Variants in PTPRN2 observed in about 807,000 individuals in gnomAD.
PTPRN2 encodes receptor-type tyrosine-protein phosphatase N2.
Under a neutral mutation model 118.8 loss-of-function variants are expected in PTPRN2, and 74 were observed. That is an observed-to-expected ratio of 0.62 (90% CI 0.52 to 0.76). The LOEUF (loss-of-function observed/expected upper bound fraction) is 0.76, where lower values mean the gene tolerates loss of function less well. Among genes scored for constraint, PTPRN2 ranks in the 30% least tolerant of loss-of-function variants. The probability of loss-of-function intolerance (pLI) is 0.00; values close to 1 mark genes in which losing one functional copy is unlikely to be tolerated. For synonymous variants in PTPRN2, 641 were observed against 608.0 expected, an observed-to-expected ratio of 1.05 and a Z score of -0.80; for missense variants, 1,481 against 1,394.4, an observed-to-expected ratio of 1.06 and a Z score of -0.99.
intron 9 of PTPRN2, among the ~76,000 whole-genome samples, chr7:158,120,754 C>T (rs1324538906): frequency 6.6e-6 from 1 of 152,204 alleles, no homozygotes; most frequent in Non-Finnish European, 1.5e-5. Context: ...AAACATCCTC[C>T]AGGGCCATCT....
intron 11 of PTPRN2, among the ~76,000 whole-genome samples, chr7:158,006,362 T>C (rs925204104): frequency 6.6e-6 from 1 of 152,220 alleles, no homozygotes; most frequent in African/African-American, 2.4e-5. Context: ...GTGGTACAGT[T>C]CAGTGCCAGC....
At chr7:158,042,968 G>A (rs1351626065) in intron 11 of PTPRN2, among the ~76,000 whole-genome samples, 1 of 152,182 alleles carries the variant, frequency 6.6e-6, no homozygotes, top group Non-Finnish European at 1.5e-5. Context: ...CACTCTTGGA[G>A]GTTCTGGAAT....
At chr7:158,095,265 G>C (rs1479624866) in intron 10 of PTPRN2, among the ~76,000 whole-genome samples, 1 of 150,058 alleles carries the variant, frequency 6.7e-6, no homozygotes, top group Non-Finnish European at 1.5e-5. Flanking sequence ...CGCCAAGCAG[G>C]GTATCTAGTA....
intron 14 of PTPRN2, among the ~76,000 whole-genome samples, chr7:157,644,743 C>T (rs1261486799): frequency 2.7e-5 from 4 of 150,292 alleles, no homozygotes; most frequent in Non-Finnish European, 5.9e-5. Flanking sequence ...TGCAGTGAGC[C>T]GAGATCACAC....
chr7:158,400,443 C>T (rs114737845), intron 2 of PTPRN2, among the ~76,000 whole-genome samples: 3,121 of 152,210 alleles, frequency 0.021, 91 homozygotes, highest in African/African-American at 0.07. Context: ...CCTGACATCA[C>T]CACAACAAAA....
chr7:158,070,626 C>CCCTGGTGGTGGAGGTGCT (rs1811233514), intron 11 of PTPRN2, among the ~76,000 whole-genome samples: 1 of 77,372 alleles, frequency 1.3e-5, no homozygotes, highest in Non-Finnish European at 2.4e-5. Flanking sequence ...GTGGAGGTGC[C>CCCTGGTGGTGGAGGTGCT]CCTGGTGGTG....
rs1033817764 is a variant in PTPRN2 at position 157,737,857 on chromosome 7, T to C, written c.1789-54920A>G. Reference sequence around the variant, plus strand: ...GTTAATCTGCAAATACCACCCCCGATGCGGGGAGGACCTGGTGTCTGGGCG... The same window carrying C: ...GTTAATCTGCAAATACCACCCCCGACGCGGGGAGGACCTGGTGTCTGGGCG... On this transcript the variant is annotated intron_variant, in intron 12 of 22. Coordinates refer to ENST00000389418, the MANE Select transcript of PTPRN2 (RefSeq NM_002847.5). Among the ~76,000 whole-genome samples the C allele has an allele frequency of 7.9e-5, 12 of 152,302 alleles. No individual in the cohort carries two copies. The East Asian group carries it at 2.3e-3, about 29-fold the overall frequency.
chr7:158,264,884 C>A (rs1216453290), intron 3 of PTPRN2, among the ~76,000 whole-genome samples: 2 of 152,262 alleles, frequency 1.3e-5, no homozygotes, highest in East Asian at 3.9e-4. Flanking sequence ...AGGAGCTGTC[C>A]CATGGAGTTT....
chr7:157,627,004 G>A lies in PTPRN2; in HGVS notation c.2197-5495C>T, dbSNP rs140348061. On this transcript the variant is annotated intron_variant, in intron 14 of 22. Transcript: ENST00000389418. This position sits in a 1 kb window ranked among gnomAD's most constrained non-coding sequence, Gnocchi z 4.2. ...TAACAACCTGAACCTAACAGCAGTC[G>A]TATAAATTTGGAAGGGCAACAGTTC... 2.2e-3 allele frequency among the ~76,000 whole-genome samples: 328 copies of A among 152,310 alleles called. 1 individual carries two copies. Among genetic ancestry groups the A allele is most frequent in the African/African-American group, 7.5e-3 (310 of 41,568 alleles).
At chr7:157,851,593 T>C (rs1301960314) in intron 12 of PTPRN2, among the ~76,000 whole-genome samples, 1 of 151,050 alleles carries the variant, frequency 6.6e-6, no homozygotes, top group Non-Finnish European at 1.5e-5. Flanking sequence ...AGGGAGGGAC[T>C]GGCCAGGGCA....
chr7:158,098,740 G>A (rs902256629), intron 10 of PTPRN2, among the ~76,000 whole-genome samples: 2 of 152,250 alleles, frequency 1.3e-5, no homozygotes, highest in South Asian at 2.1e-4. Context: ...TCTCGTGAAC[G>A]CGGGACGCTC....
chr7:158,210,175 G>A (rs1306831754), intron 3 of PTPRN2, among the ~76,000 whole-genome samples: 16 of 123,364 alleles, frequency 1.3e-4, no homozygotes, highest in Admixed American at 7.4e-4. Flanking sequence ...TCGCTCTGTC[G>A]CCCAGGCTGG....
At chr7:157,809,185 C>T (rs554970748) in intron 12 of PTPRN2, among the ~76,000 whole-genome samples, 6 of 152,258 alleles carry the variant, frequency 3.9e-5, no homozygotes, top group East Asian at 1.9e-4. Context: ...GAACGTGTTG[C>T]GACAAGCCAG....
At chr7:158,187,562 A>G (rs1299105849) in intron 5 of PTPRN2, among the ~76,000 whole-genome samples, 1 of 152,226 alleles carries the variant, frequency 6.6e-6, no homozygotes, top group Non-Finnish European at 1.5e-5. Context: ...GTTCATTAGC[A>G]AGATGACTAA....
chr7:157,600,110 C>G (rs1484773769), intron 16 of PTPRN2, among the ~76,000 whole-genome samples: 1 of 78,506 alleles, frequency 1.3e-5, no homozygotes, highest in Non-Finnish European at 2.6e-5. Context: ...TCCACCTGCC[C>G]ACCTCTCCAC....
intron 2 of PTPRN2, among the ~76,000 whole-genome samples, chr7:158,418,134 A>G (rs1333668702): frequency 2.3e-3 from 211 of 91,378 alleles, no homozygotes; most frequent in Middle Eastern, 0.02. Context: ...CCAGCTCTCC[A>G]TGTCCCGCTG....
rs563295326 is a variant in PTPRN2, at chr7:158,057,122, G to A, written c.1723+24176C>T. Among the ~76,000 whole-genome samples the A allele has an allele frequency of 3.3e-4, 50 of 152,322 alleles. 1 individual carries two copies. Among genetic ancestry groups the A allele is most frequent in the African/African-American group, 1.0e-3 (43 of 41,568 alleles). The stretch of plus-strand genomic sequence containing the variant: ...GATTCCGCTCAGCACCTGTGGACGC[G>A]GGAGCATCTATCATCAATCCTCTGC... On this transcript the variant is annotated intron_variant, in intron 11 of 22. Coordinates refer to ENST00000389418, the MANE Select transcript of PTPRN2 (RefSeq NM_002847.5).
chr7:157,888,362 C>T (rs1796605937), intron 12 of PTPRN2, among the ~76,000 whole-genome samples: 1 of 152,152 alleles, frequency 6.6e-6, no homozygotes, highest in Admixed American at 6.5e-5. Flanking sequence ...CTGTCCAGAG[C>T]CTCAGGAGCT....
chr7:158,301,405 A>G (rs1800882214), intron 3 of PTPRN2, among the ~76,000 whole-genome samples: 1 of 152,210 alleles, frequency 6.6e-6, no homozygotes, highest in African/African-American at 2.4e-5. Context: ...ATTTATTCAG[A>G]ATTCCCAAGC....
Sources: gnomAD v4.1 joint callset for allele counts (sites outside exome capture counted in the v4.1 genomes callset) on GRCh38, gnomAD v4.1.1 for gene constraint, Gnocchi (gnomAD v3.1) non-coding constraint, MANE v1.5 for transcripts, NCBI Gene and HGNC (gene_info 2026-07-23, HGNC 2026-07-21) for gene names.